PIBF1: variants seen among roughly 807,000 people sequenced by gnomAD.
PIBF1 encodes the protein progesterone-induced-blocking factor 1.
Under a neutral mutation model 112.5 loss-of-function variants are expected in PIBF1, and 90 were observed. That is an observed-to-expected ratio of 0.80 (90% CI 0.67 to 0.95). The LOEUF (loss-of-function observed/expected upper bound fraction) is 0.95. Among genes scored for constraint, PIBF1 ranks in the 40% least tolerant of loss-of-function variants. The probability of loss-of-function intolerance (pLI) is 0.00; values close to 1 mark genes in which losing one functional copy is unlikely to be tolerated. For missense variants in PIBF1, 915 were observed against 852.3 expected, an observed-to-expected ratio of 1.07 and a Z score of -0.92; for synonymous variants, 301 against 288.6, an observed-to-expected ratio of 1.04 and a Z score of -0.44.
chr13:72,866,885 C>A (rs77397556), intron 10 of PIBF1, among the ~76,000 whole-genome samples: 2,900 of 151,922 alleles, frequency 0.019, 46 homozygotes, highest in South Asian at 0.062. Context: ...TATTATATAT[C>A]CCAGATGTAT....
At chr13:72,927,096 C>A (rs1344154265) in intron 13 of PIBF1, among the ~76,000 whole-genome samples, 1 of 150,162 alleles carries the variant, frequency 6.7e-6, no homozygotes, top group Admixed American at 6.6e-5. Flanking sequence ...GAGTCTCACT[C>A]AGTTGCCTAG....
chr13:72,856,485 A>C (rs528819573), intron 10 of PIBF1, among the ~76,000 whole-genome samples: 186 of 152,306 alleles, frequency 1.2e-3, no homozygotes, highest in Non-Finnish European at 2.1e-3. Context: ...GACAAGGAAA[A>C]AAAGGTGTTT....
Position 72,904,407 on chromosome 13 carries a change from C to CATTTATCCAAAAT in PIBF1, c.1489-4121_1489-4109dup, listed in dbSNP as rs2040606904. On this transcript the variant is annotated intron_variant, in intron 11 of 17. Coordinates refer to ENST00000326291, the MANE Select transcript of PIBF1 (RefSeq NM_006346.4). ...AAATACATGTGTTGCATACATTTGT[C>CATTTATCCAAAAT]ATTTATCCAAAATATCAAAATATTT... Among the ~76,000 whole-genome samples the CATTTATCCAAAAT allele has an allele frequency of 4.9e-5, 5 of 101,910 alleles. No individual in the cohort carries two copies. The South Asian group carries it at 1.8e-3, about 38-fold the overall frequency. 66.9% of individuals were successfully genotyped at this position (101,910 alleles called of 152,430 possible).
chr13:72,883,812 G>C (rs1210375247), intron 10 of PIBF1, among the ~76,000 whole-genome samples: 4 of 152,166 alleles, frequency 2.6e-5, no homozygotes, highest in Admixed American at 1.3e-4. Flanking sequence ...AAAATAACTA[G>C]ACCAGGTGTG....
chr13:72,921,724 C>A (rs941112147), intron 13 of PIBF1, among the ~76,000 whole-genome samples: 18 of 152,082 alleles, frequency 1.2e-4, no homozygotes, highest in African/African-American at 4.3e-4. Context: ...GCAACCCAGG[C>A]AATACCACAA....
At chr13:72,991,191 A>T (rs1191932833) in intron 16 of PIBF1, among the ~76,000 whole-genome samples, 2 of 152,194 alleles carry the variant, frequency 1.3e-5, no homozygotes, top group Non-Finnish European at 2.9e-5. Context: ...GCCACCACTT[A>T]TGCAAATAGT....
chr13:72,955,356 C>T (rs562573178), intron 14 of PIBF1, among the ~76,000 whole-genome samples: 1 of 150,060 alleles, frequency 6.7e-6, no homozygotes, highest in Non-Finnish European at 1.5e-5. Context: ...AACACCAGGT[C>T]ATATAAATGT....
chr13:72,853,955 C>T, intron 9 of PIBF1, 102 bp from the exon 10 acceptor site: 1 of 893,338 alleles, frequency 1.1e-6, no homozygotes, highest in East Asian at 2.6e-5. Context: ...GGGTCCCCAA[C>T]TTCTCAGATG....
intron 16 of PIBF1, among the ~76,000 whole-genome samples, chr13:72,983,364 G>A (rs1471646306): frequency 6.6e-6 from 1 of 152,112 alleles, no homozygotes; most frequent in Admixed American, 6.5e-5. Flanking sequence ...CAGTGTTTTT[G>A]CCAATAACAC....
At chr13:72,820,958 C>T (rs139015676) in intron 5 of PIBF1, among the ~76,000 whole-genome samples, 6 of 152,216 alleles carry the variant, frequency 3.9e-5, no homozygotes, top group Middle Eastern at 3.4e-3. Flanking sequence ...GGAGGTCCAG[C>T]GTTGAGCAAG....
chr13:72,927,962 C>CAT lies in PIBF1; in HGVS notation c.1731-3189_1731-3188dup, dbSNP rs1201066012. On this transcript the variant is annotated intron_variant, in intron 13 of 17. Coordinates refer to ENST00000326291, the MANE Select transcript of PIBF1 (RefSeq NM_006346.4). Reference sequence around the variant, plus strand: ...ATATGTGTGTATATATATATATACACATATATATATATATACATATATATA... The same window carrying CAT: ...ATATGTGTGTATATATATATATACACATATATATATATATATACATATATATA... Among the ~76,000 whole-genome samples, 83 of 101,338 alleles carry CAT rather than the reference C, an allele frequency of 8.2e-4. 2 individuals are homozygous for CAT. The South Asian group carries it at 0.017, about 21-fold the overall frequency. 66.5% of individuals were successfully genotyped at this position (101,338 alleles called of 152,430 possible).
At chr13:72,869,474 G>C (rs1195732721) in intron 10 of PIBF1, among the ~76,000 whole-genome samples, 1 of 122,536 alleles carries the variant, frequency 8.2e-6, no homozygotes, top group African/African-American at 3.1e-5. Flanking sequence ...TGTGGGGTGG[G>C]GGGAGGGGGA....
chr13:72,841,786 A>G (rs1449564657), intron 9 of PIBF1, among the ~76,000 whole-genome samples: 1 of 152,088 alleles, frequency 6.6e-6, no homozygotes, highest in Non-Finnish European at 1.5e-5. Context: ...AATAATAATA[A>G]CTAACTAATA....
At chr13:72,863,588 G>A (rs1486018350) in intron 10 of PIBF1, among the ~76,000 whole-genome samples, 2 of 151,004 alleles carry the variant, frequency 1.3e-5, no homozygotes, top group African/African-American at 4.9e-5. Context: ...AACCCAGGAA[G>A]CGGAGCTTGC....
intron 10 of PIBF1, among the ~76,000 whole-genome samples, chr13:72,863,317 A>G (rs1374373851): frequency 1.3e-5 from 2 of 152,174 alleles, no homozygotes; most frequent in Non-Finnish European, 1.5e-5. Flanking sequence ...AGGAAAAGAA[A>G]TACAGTTTGG....
intron 3 of PIBF1, among the ~76,000 whole-genome samples, chr13:72,792,787 A>C (rs2035000830): frequency 6.6e-6 from 1 of 152,192 alleles, no homozygotes; most frequent in African/African-American, 2.4e-5. Context: ...ATATATGATA[A>C]AGGAAGCTCT....
intron 14 of PIBF1, among the ~76,000 whole-genome samples, chr13:72,952,329 C>T (rs565908010): frequency 6.6e-6 from 1 of 152,236 alleles, no homozygotes; most frequent in Non-Finnish European, 1.5e-5. Context: ...GCTGAGATTA[C>T]AGGCGTGAAC....
chr13:73,013,731 CAAAAAAA>C (rs113104076), intron 17 of PIBF1, among the ~76,000 whole-genome samples: 3 of 113,060 alleles, frequency 2.7e-5, no homozygotes, highest in Non-Finnish European at 5.6e-5. Context: ...GAGCCTATCT[CAAAAAAA>C]AAAAAAAAAA....
chr13:72,975,305 C>A (rs868801601), intron 16 of PIBF1, among the ~76,000 whole-genome samples: 1 of 152,024 alleles, frequency 6.6e-6, no homozygotes, highest in African/African-American at 2.4e-5. Context: ...ATCTGCCCGC[C>A]TCAATCCTCA....
Sources: allele counts gnomAD v4.1 joint callset (sites outside exome capture counted in the v4.1 genomes callset), GRCh38; gene constraint gnomAD v4.1.1; transcripts MANE v1.5; gene names NCBI Gene and HGNC (gene_info 2026-07-23, HGNC 2026-07-21).